Variants in PLD1 observed in about 807,000 individuals in gnomAD.
PLD1 encodes choline phosphatase 1.
PLD1 carries 112 observed loss-of-function variants against 137.1 expected under a neutral mutation model. The observed-to-expected ratio is 0.82, with a 90% CI of 0.70 to 0.96. The LOEUF is 0.96. PLD1 is among the 40% of genes least tolerant of loss of function. The probability of loss-of-function intolerance (pLI) is 0.00; values close to 1 mark genes in which losing one functional copy is unlikely to be tolerated. For missense variants in PLD1, 1,321 were observed against 1,342.0 expected (o/e 0.98, Z 0.24); for synonymous variants, 431 against 454.7 (o/e 0.95, Z 0.66).
chr3:171,625,937 C>A (rs954980776), intron 23 of PLD1, among the ~76,000 whole-genome samples: 4 of 152,174 alleles, frequency 2.6e-5, no homozygotes, highest in African/African-American at 4.8e-5. Context: ...CTCTAAAAAG[C>A]AGAGCGCCTC....
At chr3:171,605,262 T>C (rs768051531) in intron 26 of PLD1, 37 bp downstream of exon 26, 2 of 1,110,464 alleles carry the variant, frequency 1.8e-6, no homozygotes, top group Non-Finnish European at 2.8e-6. Flanking sequence ...TGAGATTCAG[T>C]GAAAAGAAAC....
Position 171,674,585 on chromosome 3 carries a change from G to C in PLD1, c.2144C>G (p.Ser715Cys). The C allele has an allele frequency of 1.3e-6, 2 of 1,593,744 alleles. No individual in the cohort carries two copies. The highest frequency in any genetic ancestry group is 1.7e-6 in the Non-Finnish European group (2 of 1,162,390). The part of the protein sequence containing the change: ...KIMKSKYRSL[S>C]YPFLLPKSQT... ...AGACTTTGGAAGCAGAAAAGGATAA[G>C]AAAGGGACCGATATTTTGATTTCAT... The change falls in exon 19 of 27, where the codon TCT becomes TGT. Residue 715 changes from serine to cysteine, a missense_variant. By Grantham distance (112) the Ser-to-Cys change is moderately radical. Transcript: ENST00000351298.
In PLD1 at chr3:171,802,133, C is replaced by G. The variant is rs1723673991; in HGVS notation, c.-32+8266G>C. On this transcript the variant is annotated intron_variant, in intron 1 of 26. Coordinates refer to ENST00000351298, the MANE Select transcript of PLD1 (RefSeq NM_002662.5). ...AATCCCTTGGGAACCAGGGTTCACA[C>G]TAACATCATATATTTATATAACAAC... Among the ~76,000 whole-genome samples, 3 of 152,178 alleles carry G rather than the reference C, an allele frequency of 2.0e-5. No individual in the cohort carries two copies. The South Asian group carries it at 6.2e-4, about 32-fold the overall frequency.
intron 23 of PLD1, among the ~76,000 whole-genome samples, chr3:171,636,025 C>T (rs1735102960): frequency 1.1e-5 from 1 of 90,272 alleles, no homozygotes; most frequent in Non-Finnish European, 2.2e-5. Context: ...TTTTCTAGCA[C>T]CATTTGCTGA....
rs572709297 is a variant in PLD1 at position 171,745,563 on chromosome 3, C to T, written c.-31-7481G>A. Among the ~76,000 whole-genome samples the T allele has an allele frequency of 5.9e-5, 9 of 152,380 alleles. No homozygotes were observed. In the East Asian group the frequency reaches 1.3e-3, roughly 23 times the overall value. On this transcript the variant is annotated intron_variant, in intron 1 of 26. Coordinates refer to ENST00000351298, the MANE Select transcript of PLD1 (RefSeq NM_002662.5). ...AGCACAGCACGTGGGCTCCACTGACCTCCAACCAGACCCTCAGAGGCACTG... is the reference window on the plus strand; with the variant it reads ...AGCACAGCACGTGGGCTCCACTGACTTCCAACCAGACCCTCAGAGGCACTG...
At position 171,778,097 on chromosome 3, in the gene PLD1, AATG is replaced by A. The variant is rs140116917; in HGVS notation, c.-32+32299_-32+32301del. Among the ~76,000 whole-genome samples, 629 of 152,362 alleles carry A rather than the reference AATG, an allele frequency of 4.1e-3. 14 individuals carry two copies. Among genetic ancestry groups the A allele is most frequent in the East Asian group, 0.02 (106 of 5,192 alleles). On this transcript the variant is annotated intron_variant, in intron 1 of 26. Transcript: ENST00000351298. ...GATATTTAAATTATTTATGTTACTT[AATG>A]ATAATTACAAAATAATAGCCAACAC...
intron 21 of PLD1, among the ~76,000 whole-genome samples, chr3:171,658,069 A>G (rs1274833128): frequency 3.3e-5 from 5 of 152,180 alleles, no homozygotes. Flanking sequence ...GCTCAGTATC[A>G]TTAGTCATTA....
chr3:171,760,904 C>T (rs776567159), intron 1 of PLD1, among the ~76,000 whole-genome samples: 12 of 152,190 alleles, frequency 7.9e-5, no homozygotes, highest in Non-Finnish European at 1.8e-4. Flanking sequence ...TTAATGGAGA[C>T]ACCATTCTCA....
chr3:171,729,172 T>G (rs913646512), intron 6 of PLD1, among the ~76,000 whole-genome samples: 6 of 152,248 alleles, frequency 3.9e-5, no homozygotes. Context: ...GCAGGGCTTA[T>G]TCCATTGATC....
chr3:171,715,983 G>C (rs1560245507), intron 8 of PLD1, among the ~76,000 whole-genome samples: 1 of 146,958 alleles, frequency 6.8e-6, no homozygotes, highest in South Asian at 2.1e-4. Flanking sequence ...ATGAGTTCTC[G>C]TTATTTAGCT....
intron 8 of PLD1, among the ~76,000 whole-genome samples, chr3:171,723,931 C>A (rs1286063118): frequency 6.6e-6 from 1 of 152,054 alleles, no homozygotes; most frequent in Admixed American, 6.5e-5. Context: ...TTGACTGTTT[C>A]CTTTGCTGTG....
chr3:171,617,707 G>A (rs886311046), intron 24 of PLD1, among the ~76,000 whole-genome samples: 1 of 152,004 alleles, frequency 6.6e-6, no homozygotes, highest in Non-Finnish European at 1.5e-5. Flanking sequence ...GGTTACCCAG[G>A]GCCACAGGCA....
In PLD1 at chr3:171,601,414, T is replaced by C. The variant is rs1220528058; in HGVS notation, c.*1664A>G. On this transcript the variant is annotated 3_prime_UTR_variant, in exon 27 of 27. Transcript: ENST00000351298. ...TGCCAATCTGAACTTCTTTCATCAA[T>C]AGCAAATTCTTATTTACAATGGCTA... The C allele has an allele frequency of 6.6e-6, 1 of 152,184 alleles. No individual in the cohort carries two copies. The highest frequency in any genetic ancestry group is 1.5e-5 in the Non-Finnish European group (1 of 68,044). The allele number at this position is 152,184 out of a possible 1,614,324, so 9.4% of individuals were successfully genotyped here. A position where few individuals can be genotyped will look rare whatever the true frequency, so the allele number is the denominator to read the frequency against.
At chr3:171,797,349 G>T (rs1723473253) in intron 1 of PLD1, among the ~76,000 whole-genome samples, 1 of 152,186 alleles carries the variant, frequency 6.6e-6, no homozygotes, top group Admixed American at 6.5e-5. Flanking sequence ...TGTGTTTACT[G>T]ATGTGTCAGC....
chr3:171,603,297 G>GA lies in PLD1; in HGVS notation c.3005dup (p.Arg1003ProfsTer6), dbSNP rs1731961647. On this transcript the variant is annotated frameshift_variant, in exon 27 of 27. Transcript: ENST00000351298. LOFTEE classifies it high-confidence loss of function. ...GTACTTCATCATTGGGAAGGCACCG[G>GA]AAAACCTGATTAGAGCATAAATAGA... The GA allele has an allele frequency of 6.2e-7, 1 of 1,612,218 alleles. No homozygotes were observed. Among genetic ancestry groups the GA allele is most frequent in the African/African-American group, 1.3e-5 (1 of 74,884 alleles).
intron 23 of PLD1, among the ~76,000 whole-genome samples, chr3:171,621,957 C>G (rs552366928): frequency 6.6e-6 from 1 of 152,252 alleles, no homozygotes; most frequent in East Asian, 1.9e-4. Context: ...CTGGGTCTTA[C>G]ACATTTTTGT....
chr3:171,637,398 G>C (rs1735223874), intron 23 of PLD1, among the ~76,000 whole-genome samples: 1 of 116,602 alleles, frequency 8.6e-6, no homozygotes, highest in Non-Finnish European at 1.8e-5. Flanking sequence ...ACCACGCCCA[G>C]CTAATTTTTG....
At chr3:171,615,164 T>C (rs1732994627) in intron 24 of PLD1, among the ~76,000 whole-genome samples, 1 of 152,212 alleles carries the variant, frequency 6.6e-6, no homozygotes, top group African/African-American at 2.4e-5. Flanking sequence ...AGTTGTAGTA[T>C]TACCCTATTT....
intron 9 of PLD1, among the ~76,000 whole-genome samples, chr3:171,710,778 C>T (rs553100769): frequency 4.1e-4 from 62 of 151,996 alleles, no homozygotes; most frequent in Non-Finnish European, 8.1e-4. Context: ...CAAAGCTAAG[C>T]AAAATGGCAT....
Sources: gnomAD v4.1 joint callset for allele counts (sites outside exome capture counted in the v4.1 genomes callset) on GRCh38, gnomAD v4.1.1 for gene constraint, MANE v1.5 for transcripts, NCBI Gene and HGNC (gene_info 2026-07-23, HGNC 2026-07-21) for gene names.